Variants in GRID1 observed in about 807,000 individuals in gnomAD.
GRID1 encodes the protein glutamate receptor ionotropic, delta-1.
In GRID1, 28 loss-of-function variants were observed where a neutral mutation model predicts 98.0. That is an observed-to-expected ratio of 0.29 (90% CI 0.21 to 0.39). GRID1 has a LOEUF of 0.39. GRID1 is among the 10% of genes least tolerant of loss of function. The pLI is 1.00. For missense variants in GRID1, 1,111 were observed against 1,340.5 expected (o/e 0.83, Z 2.67); for synonymous variants, 553 against 538.5 (o/e 1.03, Z -0.37).
At chr10:85,813,683 T>A (rs1031795568) in intron 8 of GRID1, among the ~76,000 whole-genome samples, 2 of 151,908 alleles carry the variant, frequency 1.3e-5, no homozygotes, top group Non-Finnish European at 2.9e-5. Context: ...GAAACTTGCA[T>A]CTTCAGAAAT....
chr10:86,326,563 T>C (rs1020781791), intron 2 of GRID1, among the ~76,000 whole-genome samples: 6 of 152,082 alleles, frequency 3.9e-5, no homozygotes, highest in African/African-American at 1.4e-4. Context: ...AGACCAAAAT[T>C]AAAATTTAAA....
At chr10:86,089,416 C>T (rs1159211750) in intron 4 of GRID1, among the ~76,000 whole-genome samples, 1 of 152,078 alleles carries the variant, frequency 6.6e-6, no homozygotes, top group Non-Finnish European at 1.5e-5. Context: ...AATAATGAGA[C>T]AGCAACCCCC....
At chr10:86,305,225 C>T (rs1045085754) in intron 2 of GRID1, among the ~76,000 whole-genome samples, 2 of 152,046 alleles carry the variant, frequency 1.3e-5, no homozygotes, top group African/African-American at 2.4e-5. Context: ...CTGCAGATTT[C>T]GCACTTTGCC....
chr10:86,022,942 A>G (rs1161019149), intron 4 of GRID1, among the ~76,000 whole-genome samples: 2 of 151,964 alleles, frequency 1.3e-5, no homozygotes, highest in African/African-American at 4.8e-5. Flanking sequence ...AGATTAAAAA[A>G]ATTCCTTTTT....
intron 2 of GRID1, among the ~76,000 whole-genome samples, chr10:86,232,297 G>T (rs570496520): frequency 1.3e-5 from 2 of 152,178 alleles, no homozygotes; most frequent in Admixed American, 6.5e-5. Flanking sequence ...TGCCGCTCCC[G>T]CTCCCTCAGG....
intron 9 of GRID1, 137 bp from the exon 10 acceptor site, chr10:85,728,189 G>T: frequency 1.5e-6 from 1 of 687,174 alleles, no homozygotes; most frequent in South Asian, 1.7e-5. Flanking sequence ...CAACTTCTCT[G>T]CCTTTTTCTA....
Position 85,757,778 on chromosome 10 carries a change from C to A in GRID1, c.1234-28164G>T, listed in dbSNP as rs7096682. Among the ~76,000 whole-genome samples, 558 of 152,336 alleles carry A rather than the reference C, an allele frequency of 3.7e-3. 7 individuals carry two copies. The highest frequency in any genetic ancestry group is 0.013 in the African/African-American group (542 of 41,588). ...ACTGAAATCTCCAAGCCTGCTTTTG[C>A]AACTCCAAGGTGGGGACAGTCATTC... On this transcript the variant is annotated intron_variant, in intron 8 of 15. Transcript: ENST00000327946.
At chr10:86,060,991 G>A (rs1219264007) in intron 4 of GRID1, among the ~76,000 whole-genome samples, 1 of 152,092 alleles carries the variant, frequency 6.6e-6, no homozygotes, top group Non-Finnish European at 1.5e-5. Flanking sequence ...CACCCCGCAG[G>A]ACTCCCTATG....
intron 12 of GRID1, among the ~76,000 whole-genome samples, chr10:85,719,900 A>C (rs1841681227): frequency 6.6e-6 from 1 of 152,220 alleles, no homozygotes; most frequent in Non-Finnish European, 1.5e-5. Context: ...CAAAGACTTA[A>C]CATCAAAAGA....
intron 3 of GRID1, among the ~76,000 whole-genome samples, chr10:86,145,235 T>C (rs185198373): frequency 6.6e-6 from 1 of 152,216 alleles, no homozygotes; most frequent in East Asian, 1.9e-4. Flanking sequence ...TAACAGCATT[T>C]TTTTGAGACA....
chr10:85,636,997 C>G (rs1843052099), intron 13 of GRID1, among the ~76,000 whole-genome samples: 1 of 152,066 alleles, frequency 6.6e-6, no homozygotes, highest in Admixed American at 6.6e-5. Flanking sequence ...AAATGGCAAT[C>G]AAGAAGGGAA....
At chr10:86,084,490 G>A (rs1466862080) in intron 4 of GRID1, among the ~76,000 whole-genome samples, 1 of 152,128 alleles carries the variant, frequency 6.6e-6, no homozygotes, top group Admixed American at 6.5e-5. Context: ...TCCTCAAAAA[G>A]TTAAAAATAG....
intron 13 of GRID1, among the ~76,000 whole-genome samples, chr10:85,636,836 CA>C (rs1843049923): frequency 6.6e-6 from 1 of 152,146 alleles, no homozygotes. Context: ...AATACTTCAT[CA>C]AGGGCTTTAA....
chr10:85,864,089 G>C (rs770324196), intron 6 of GRID1, among the ~76,000 whole-genome samples: 3 of 152,224 alleles, frequency 2.0e-5, no homozygotes, highest in Non-Finnish European at 4.4e-5. Flanking sequence ...ACAGTTCAGT[G>C]AGACATCACA....
intron 3 of GRID1, among the ~76,000 whole-genome samples, chr10:86,194,397 T>C (rs933304123): frequency 2.0e-5 from 3 of 152,044 alleles, no homozygotes; most frequent in African/African-American, 4.8e-5. Context: ...GCAAAGCCCA[T>C]CAAGTAAAAG....
chr10:86,106,148 C>T (rs1844382670), intron 4 of GRID1, among the ~76,000 whole-genome samples: 1 of 152,042 alleles, frequency 6.6e-6, no homozygotes, highest in Non-Finnish European at 1.5e-5. Context: ...AATTTCCTGT[C>T]AGCAATAATC....
At chr10:85,930,996 T>C (rs1288085077) in intron 4 of GRID1, among the ~76,000 whole-genome samples, 2 of 152,122 alleles carry the variant, frequency 1.3e-5, no homozygotes, top group African/African-American at 2.4e-5. Flanking sequence ...TATAACACTA[T>C]GCTGGCCTAA....
chr10:85,820,099 A>C (rs111609830), intron 8 of GRID1, among the ~76,000 whole-genome samples: 4,092 of 125,988 alleles, frequency 0.032, 166 homozygotes, highest in Non-Finnish European at 0.044. Context: ...GGCAGGCAGG[A>C]AGGAAGGGAG....
intron 8 of GRID1, among the ~76,000 whole-genome samples, chr10:85,769,138 A>G (rs1590223192): frequency 6.6e-6 from 1 of 152,366 alleles, no homozygotes; most frequent in East Asian, 1.9e-4. Flanking sequence ...AAATAACTGC[A>G]AGAAAAATGG....
Sources: gnomAD v4.1 joint callset for allele counts (sites outside exome capture counted in the v4.1 genomes callset) on GRCh38, gnomAD v4.1.1 for gene constraint, MANE v1.5 for transcripts, NCBI Gene and HGNC (gene_info 2026-07-23, HGNC 2026-07-21) for gene names.